The following TXNDC11 variants were observed in gnomAD, a reference collection of about 807,000 sequenced individuals.
The protein encoded by TXNDC11 is thioredoxin domain-containing protein 11.
In TXNDC11, 68 loss-of-function variants were observed where a neutral mutation model predicts 78.0. The observed-to-expected ratio is 0.87, with a 90% CI of 0.72 to 1.07. The LOEUF (loss-of-function observed/expected upper bound fraction) is 1.07. Among genes scored for constraint, TXNDC11 ranks in the 50% least tolerant of loss-of-function variants. TXNDC11 has a pLI of 0.00. For synonymous variants in TXNDC11, 571 were observed against 495.2 expected (o/e 1.15, Z -2.03); for missense variants, 1,389 against 1,221.8 (o/e 1.14, Z -2.04).
chr16:11,730,907 A>T (rs1036993509), intron 3 of TXNDC11, 133 bp from the exon 4 acceptor site: 2 of 637,962 alleles, frequency 3.1e-6, no homozygotes, highest in African/African-American at 1.9e-5. Context: ...ACCAAGTCAC[A>T]GATCAGTAGC....
At chr16:11,731,956 T>G (rs2052067757) in intron 3 of TXNDC11, among the ~76,000 whole-genome samples, 1 of 151,460 alleles carries the variant, frequency 6.6e-6, no homozygotes, top group South Asian at 2.1e-4. Context: ...TCTAACTTAT[T>G]TTGTTCCAGA....
intron 1 of TXNDC11, among the ~76,000 whole-genome samples, chr16:11,737,946 C>T (rs1005468048): frequency 5.4e-5 from 8 of 149,112 alleles, no homozygotes; most frequent in South Asian, 2.1e-4. Context: ...ACTATCTAAA[C>T]GAGATATATC....
intron 5 of TXNDC11, among the ~76,000 whole-genome samples, chr16:11,715,724 T>C (rs369919219): frequency 3.3e-5 from 5 of 152,306 alleles, no homozygotes; most frequent in African/African-American, 1.2e-4. Flanking sequence ...TTAGCTCCTA[T>C]TCTGGTGGCA....
intron 2 of TXNDC11, 136 bp from the exon 3 acceptor site, chr16:11,734,215 T>C (rs2052152355): frequency 1.5e-6 from 1 of 677,208 alleles, no homozygotes; most frequent in African/African-American, 1.9e-5. Context: ...TGTTTTGAGT[T>C]TTCAAAGGTC....
intron 7 of TXNDC11, among the ~76,000 whole-genome samples, chr16:11,693,552 TAA>T (rs920391964): frequency 6.6e-5 from 10 of 151,962 alleles, no homozygotes; most frequent in South Asian, 2.1e-4. Flanking sequence ...AAAATAAAAA[TAA>T]AAAAGTTTTA....
intron 6 of TXNDC11, among the ~76,000 whole-genome samples, chr16:11,700,193 C>T (rs2050972548): frequency 6.6e-6 from 1 of 152,146 alleles, no homozygotes; most frequent in Non-Finnish European, 1.5e-5. Context: ...AGAAGAAAAA[C>T]TTTAAAGTCT....
chr16:11,698,103 C>G (rs757610511), intron 7 of TXNDC11, 22 bp downstream of exon 7: 1 of 1,612,534 alleles, frequency 6.2e-7, no homozygotes, highest in South Asian at 1.1e-5. Flanking sequence ...TCATGAGGTG[C>G]TTTTCACATC....
intron 5 of TXNDC11, among the ~76,000 whole-genome samples, chr16:11,705,929 G>C (rs2051168380): frequency 6.6e-6 from 1 of 152,126 alleles, no homozygotes; most frequent in Non-Finnish European, 1.5e-5. Context: ...CAGAGCTCCA[G>C]GGCTTTCTAC....
intron 1 of TXNDC11, among the ~76,000 whole-genome samples, chr16:11,739,952 G>C (rs1230207473): frequency 6.6e-6 from 1 of 151,914 alleles, no homozygotes; most frequent in Non-Finnish European, 1.5e-5. Flanking sequence ...CAGCACTTTG[G>C]GAGGCCGAAG....
intron 5 of TXNDC11, among the ~76,000 whole-genome samples, chr16:11,710,762 C>A (rs1410820544): frequency 6.6e-6 from 1 of 152,154 alleles, no homozygotes; most frequent in African/African-American, 2.4e-5. Flanking sequence ...CTGCAATGAG[C>A]CGTGACTGTG....
In TXNDC11 at chr16:11,679,351, G is replaced by A. The variant is rs993454633; in HGVS notation, c.2721C>T (p.Gly907=). The A allele has an allele frequency of 6.2e-7, 1 of 1,612,166 alleles. No individual in the cohort carries two copies. The highest frequency in any genetic ancestry group is 8.5e-7 in the Non-Finnish European group (1 of 1,179,332). The change falls in exon 12 of 12, where the codon GGC becomes GGT. Residue 907 remains glycine (G), a synonymous_variant. Coordinates refer to ENST00000283033, the MANE Select transcript of TXNDC11 (RefSeq NM_015914.7). This position sits in a 1 kb window ranked among gnomAD's most constrained non-coding sequence, Gnocchi z 4.6. Reference sequence around the variant, plus strand: ...CCGCCAGGCTTTCAGCTCCATCCCTGCCCTCCAGTTTCCTCTCCATGGTCG... The same window carrying A: ...CCGCCAGGCTTTCAGCTCCATCCCTACCCTCCAGTTTCCTCTCCATGGTCG... The part of the protein sequence containing the change: ...LVATMERKLE[G]RDGAESLAAQ...
rs1394446619 is a variant in TXNDC11, at chr16:11,691,408, T to A, written c.1782A>T (p.Ala594=). 1 of 1,614,132 alleles carries A rather than the reference T, an allele frequency of 6.2e-7. No homozygotes were observed. The highest frequency in any genetic ancestry group is 2.2e-5 in the East Asian group (1 of 44,902). The change falls in exon 8 of 12, where the codon GCA becomes GCT. Residue 594 remains alanine (A), a synonymous_variant. Coordinates refer to ENST00000283033, the MANE Select transcript of TXNDC11 (RefSeq NM_015914.7). ...TGGAGCTCGGAGCACCCAGTCTCTCTGCATATAACCAAAACAAATTTGAAT... is the reference window on the plus strand; with the variant it reads ...TGGAGCTCGGAGCACCCAGTCTCTCAGCATATAACCAAAACAAATTTGAAT... ...LLDSNLFWLY[A]ERLGAPSSTQ...
chr16:11,713,541 C>T (rs2051431084), intron 5 of TXNDC11, among the ~76,000 whole-genome samples: 1 of 151,978 alleles, frequency 6.6e-6, no homozygotes, highest in African/African-American at 2.4e-5. Flanking sequence ...CTCAGCCTCC[C>T]AAGCAGCTAG....
chr16:11,708,444 C>G (rs183560376), intron 5 of TXNDC11, among the ~76,000 whole-genome samples: 1 of 152,278 alleles, frequency 6.6e-6, no homozygotes, highest in Non-Finnish European at 1.5e-5. Flanking sequence ...TAGTAAATAG[C>G]ACTTGGTGTA....
At chr16:11,723,933 G>C (rs552366264) in intron 4 of TXNDC11, among the ~76,000 whole-genome samples, 1 of 152,272 alleles carries the variant, frequency 6.6e-6, no homozygotes, top group East Asian at 1.9e-4. Flanking sequence ...GCAGATAGAA[G>C]AGTTTGAAAT....
At chr16:11,709,204 T>C (rs780073482) in intron 5 of TXNDC11, among the ~76,000 whole-genome samples, 39 of 152,040 alleles carry the variant, frequency 2.6e-4, no homozygotes, top group Non-Finnish European at 4.6e-4. Context: ...CACAGATACA[T>C]TGTGGTGTTT....
intron 1 of TXNDC11, among the ~76,000 whole-genome samples, chr16:11,739,647 T>C (rs1226590552): frequency 6.6e-6 from 1 of 151,912 alleles, no homozygotes; most frequent in Non-Finnish European, 1.5e-5. Flanking sequence ...AATAAATACA[T>C]GTATACATAC....
At chr16:11,709,341 C>T (rs1182335093) in intron 5 of TXNDC11, among the ~76,000 whole-genome samples, 1 of 151,052 alleles carries the variant, frequency 6.6e-6, no homozygotes, top group Admixed American at 6.6e-5. Context: ...CAACCTCTGC[C>T]TCCCAGGTTC....
intron 11 of TXNDC11, among the ~76,000 whole-genome samples, chr16:11,682,391 G>A (rs1481674693): frequency 1.3e-5 from 2 of 152,200 alleles, no homozygotes; most frequent in Non-Finnish European, 2.9e-5. Context: ...CAAGGGTAAG[G>A]GCCTGCAGCA....
Sources: gnomAD v4.1 joint callset for allele counts (sites outside exome capture counted in the v4.1 genomes callset) on GRCh38, gnomAD v4.1.1 for gene constraint, Gnocchi (gnomAD v3.1) non-coding constraint, MANE v1.5 for transcripts, NCBI Gene and HGNC (gene_info 2026-07-23, HGNC 2026-07-21) for gene names.